Variants in MTUS2 observed in about 807,000 individuals in gnomAD.
MTUS2 encodes the protein microtubule-associated tumor suppressor candidate 2.
In MTUS2, 40 loss-of-function variants were observed where a neutral mutation model predicts 114.1. The observed-to-expected ratio is 0.35, with a 90% CI of 0.27 to 0.46. The LOEUF (loss-of-function observed/expected upper bound fraction) is 0.46, where lower values mean the gene tolerates loss of function less well. MTUS2 is among the 20% of genes least tolerant of loss of function. The probability of loss-of-function intolerance (pLI) is 1.00; values close to 1 mark genes in which losing one functional copy is unlikely to be tolerated. For synonymous variants in MTUS2, 688 were observed against 672.0 expected (o/e 1.02, Z -0.37); for missense variants, 1,679 against 1,705.4 (o/e 0.98, Z 0.27).
At chr13:29,090,514 TGAAG>T (rs1233722234) in intron 4 of MTUS2, among the ~76,000 whole-genome samples, 1 of 152,054 alleles carries the variant, frequency 6.6e-6, no homozygotes, top group Non-Finnish European at 1.5e-5. Context: ...CACATGCCAG[TGAAG>T]GAAGGCTGTA....
chr13:29,040,284 C>T (rs753219479), intron 4 of MTUS2, among the ~76,000 whole-genome samples: 6 of 152,330 alleles, frequency 3.9e-5, no homozygotes, highest in African/African-American at 4.8e-5. Context: ...CAGGTTGCTG[C>T]GAATGCCATT....
chr13:28,853,155 G>T (rs1876401505), intron 2 of MTUS2, among the ~76,000 whole-genome samples: 1 of 152,200 alleles, frequency 6.6e-6, no homozygotes, highest in Admixed American at 6.5e-5. Context: ...CGAAAAGTGG[G>T]AAAGGGAGGG....
Position 29,025,777 on chromosome 13 carries a change from T to C in MTUS2, c.1079T>C (p.Leu360Pro). 1 of 1,613,958 alleles carries C rather than the reference T, an allele frequency of 6.2e-7. No individual in the cohort carries two copies. Among genetic ancestry groups the C allele is most frequent in the South Asian group, 1.1e-5 (1 of 91,076 alleles). ...GEAHPEATDA[L>P]GHLLNSDLHH... ...GCACACCCGGAAGCCACCGATGCAC[T>C]TGGCCATCTGCTGAACAGTGACCTC... Residue 360 changes from leucine to proline, a missense_variant, in exon 3 of 16, where the codon CTT (leucine) becomes CCT (proline). Coordinates refer to ENST00000612955, the MANE Select transcript of MTUS2 (RefSeq NM_001033602.4).
intron 6 of MTUS2, among the ~76,000 whole-genome samples, chr13:29,287,074 G>C (rs1043737824): frequency 1.3e-5 from 2 of 152,214 alleles, no homozygotes; most frequent in African/African-American, 4.8e-5. Context: ...AAGACCCTAA[G>C]AGGTAGGCAG....
At chr13:29,338,368 C>A (rs1901193044) in intron 7 of MTUS2, among the ~76,000 whole-genome samples, 1 of 152,018 alleles carries the variant, frequency 6.6e-6, no homozygotes, top group Admixed American at 6.5e-5. Context: ...AGATGGATTG[C>A]CTGAGCTCAG....
chr13:29,162,845 C>G (rs1927827), intron 5 of MTUS2, among the ~76,000 whole-genome samples: 138,620 of 152,294 alleles, frequency 0.91, 63,127 homozygotes, highest in Admixed American at 0.93. Flanking sequence ...TCTAGGACTT[C>G]GTATGCCCGA....
chr13:29,501,647 A>G (rs979801921), intron 15 of MTUS2, among the ~76,000 whole-genome samples: 1 of 152,128 alleles, frequency 6.6e-6, no homozygotes, highest in African/African-American at 2.4e-5. Flanking sequence ...CCTCCCTCAC[A>G]CAGCACAATG....
intron 5 of MTUS2, among the ~76,000 whole-genome samples, chr13:29,241,223 A>T (rs1052582872): frequency 1.1e-4 from 16 of 152,162 alleles, no homozygotes; most frequent in Admixed American, 2.0e-4. Flanking sequence ...GCCTTGAGCA[A>T]ACCACTTACC....
In MTUS2 at chr13:29,380,250, T is replaced by C. The variant is rs144603758; in HGVS notation, c.3117+20777T>C. On this transcript the variant is annotated intron_variant, in intron 8 of 15. Transcript: ENST00000612955. ...GGCAGGCAGGTAGAGACACCTTCCATTGGGGAACACTGGCTCAGAACAGCC... is the reference window on the plus strand; with the variant it reads ...GGCAGGCAGGTAGAGACACCTTCCACTGGGGAACACTGGCTCAGAACAGCC... Among the ~76,000 whole-genome samples, 102 of 152,268 alleles carry C rather than the reference T, an allele frequency of 6.7e-4. 1 individual carries two copies. Among genetic ancestry groups the C allele is most frequent in the Middle Eastern group, 3.4e-3 (1 of 294 alleles).
At chr13:29,422,648 CTTTTTT>C (rs11342823) in intron 8 of MTUS2, among the ~76,000 whole-genome samples, 4 of 67,976 alleles carry the variant, frequency 5.9e-5, no homozygotes, top group African/African-American at 1.7e-4. Context: ...GATTTCTTTT[CTTTTTT>C]TTTTTTTTTT....
chr13:29,503,674 AT>A lies in MTUS2; in HGVS notation c.*470del. On this transcript the variant is annotated 3_prime_UTR_variant, in exon 16 of 16. Coordinates refer to ENST00000612955, the MANE Select transcript of MTUS2 (RefSeq NM_001033602.4). Reference sequence around the variant, plus strand: ...GCAGTTTTCTAACTTGTGCCTAAGAATTATTGGGAAATGAAAATGCATTTCT... The same window carrying A: ...GCAGTTTTCTAACTTGTGCCTAAGAATATTGGGAAATGAAAATGCATTTCT... 1 of 235,258 alleles carries A rather than the reference AT, an allele frequency of 4.3e-6. No individual in the cohort carries two copies. Among genetic ancestry groups the A allele is most frequent in the Non-Finnish European group, 8.4e-6 (1 of 119,100 alleles). 14.6% of individuals were successfully genotyped at this position (235,258 alleles called of 1,614,324 possible). A position where few individuals can be genotyped will look rare whatever the true frequency, so the allele number is the denominator to read the frequency against.
intron 6 of MTUS2, among the ~76,000 whole-genome samples, chr13:29,295,077 A>G (rs1385383652): frequency 6.6e-6 from 1 of 151,264 alleles, no homozygotes. Context: ...ATGCTGAGTC[A>G]TCTGAAGTAT....
intron 8 of MTUS2, among the ~76,000 whole-genome samples, chr13:29,376,027 GTATA>G (rs59303497): frequency 0.48 from 65,310 of 135,226 alleles, 16,546 homozygotes; most frequent in East Asian, 0.67. Context: ...GTATGTGTGT[GTATA>G]TATATATATG....
At chr13:28,938,370 AC>A (rs1278038295) in intron 2 of MTUS2, among the ~76,000 whole-genome samples, 3 of 149,260 alleles carry the variant, frequency 2.0e-5, no homozygotes, top group African/African-American at 2.5e-5. Flanking sequence ...ACAGAGTGAG[AC>A]TCTGTCTCAA....
chr13:29,295,918 A>G (rs571630289), intron 6 of MTUS2, among the ~76,000 whole-genome samples: 119 of 152,236 alleles, frequency 7.8e-4, no homozygotes, highest in African/African-American at 2.5e-3. Flanking sequence ...CCATGATTCA[A>G]TTACCTCCCA....
At chr13:29,311,456 GTGAA>G (rs1358140127) in intron 6 of MTUS2, among the ~76,000 whole-genome samples, 31 of 152,308 alleles carry the variant, frequency 2.0e-4, no homozygotes, top group African/African-American at 7.5e-4. Flanking sequence ...AGAAAAATAT[GTGAA>G]TGAATATGTA....
intron 2 of MTUS2, among the ~76,000 whole-genome samples, chr13:28,903,617 C>T (rs1461832726): frequency 6.6e-6 from 1 of 151,656 alleles, no homozygotes. Context: ...GGCTGCATAG[C>T]ATTCCATGGT....
At chr13:29,468,728 A>G (rs1880064960) in intron 9 of MTUS2, among the ~76,000 whole-genome samples, 1 of 152,154 alleles carries the variant, frequency 6.6e-6, no homozygotes, top group African/African-American at 2.4e-5. Context: ...ATCAGGGGGA[A>G]AATGCCTGCT....
chr13:29,071,409 ATTTTTTTTT>A (rs751020009), intron 4 of MTUS2, among the ~76,000 whole-genome samples: 213 of 46,086 alleles, frequency 4.6e-3, no homozygotes, highest in East Asian at 0.014. Context: ...TGTTGCTTGA[ATTTTTTTTT>A]TTTTTTTTTT....
Sources: gnomAD v4.1 joint callset for allele counts (sites outside exome capture counted in the v4.1 genomes callset) on GRCh38, gnomAD v4.1.1 for gene constraint, MANE v1.5 for transcripts, NCBI Gene and HGNC (gene_info 2026-07-23, HGNC 2026-07-21) for gene names.